Variants in SAMMSON observed in about 807,000 individuals in gnomAD.
SAMMSON encodes the protein long intergenic non-protein coding RNA 1212.
chr3:70,281,953 A>G (rs1317127967), intron 6 of SAMMSON, among the ~76,000 whole-genome samples: 1 of 152,196 alleles, frequency 6.6e-6, no homozygotes, highest in Admixed American at 6.5e-5. Flanking sequence ...CACCCTGTGT[A>G]CTGCACAAGG....
chr3:70,428,083 C>A (rs541392770), intron 2 of SAMMSON, among the ~76,000 whole-genome samples: 1 of 151,724 alleles, frequency 6.6e-6, no homozygotes, highest in African/African-American at 2.4e-5. Context: ...TAAAATACTG[C>A]GGAAAGAAAT....
intron 6 of SAMMSON, chr3:70,291,156 A>G (rs947788654): frequency 6.6e-6 from 1 of 152,262 alleles, no homozygotes; most frequent in Admixed American, 6.5e-5. Flanking sequence ...TATTTTTCAC[A>G]TATTTGCATG....
At chr3:70,058,853 A>C (rs769006985) in intron 3 of SAMMSON, among the ~76,000 whole-genome samples, 1 of 152,112 alleles carries the variant, frequency 6.6e-6, no homozygotes, top group Non-Finnish European at 1.5e-5. Context: ...AGATTAAATA[A>C]TTGACTAAGG....
At chr3:70,372,174 A>G (rs547704349) in intron 9 of SAMMSON, among the ~76,000 whole-genome samples, 59 of 152,232 alleles carry the variant, frequency 3.9e-4, no homozygotes, top group South Asian at 2.7e-3. Flanking sequence ...GAGTTTTTAA[A>G]TCATGAATAG....
At chr3:70,025,845 T>TA (rs1468275742) in intron 3 of SAMMSON, among the ~76,000 whole-genome samples, 12 of 152,140 alleles carry the variant, frequency 7.9e-5, no homozygotes, top group African/African-American at 2.9e-4. Flanking sequence ...AAAATGTTAT[T>TA]AAAAAAATTG....
At chr3:70,379,794 A>C (rs1241218960) in intron 9 of SAMMSON, among the ~76,000 whole-genome samples, 1 of 152,204 alleles carries the variant, frequency 6.6e-6, no homozygotes, top group Non-Finnish European at 1.5e-5. Flanking sequence ...AAGTGCAAAA[A>C]AAAGGAAAGC....
intron 7 of SAMMSON, among the ~76,000 whole-genome samples, chr3:70,351,990 G>T (rs1307592476): frequency 6.6e-6 from 1 of 151,862 alleles, no homozygotes; most frequent in African/African-American, 2.4e-5. Context: ...AAGCCCTGAG[G>T]ATTTTGGGTA....
downstream of SAMMSON, among the ~76,000 whole-genome samples, chr3:70,392,626 G>A (rs1174855674): frequency 6.6e-6 from 1 of 152,128 alleles, no homozygotes; most frequent in Non-Finnish European, 1.5e-5. Flanking sequence ...TAAAATGGGG[G>A]CTCTAGCATC....
At chr3:70,007,586 C>G (rs1385205363) in intron 1 of SAMMSON, among the ~76,000 whole-genome samples, 1 of 151,782 alleles carries the variant, frequency 6.6e-6, no homozygotes, top group Non-Finnish European at 1.5e-5. Context: ...TTCTCCCATT[C>G]TGTAGGTTGC....
At chr3:70,224,069 G>T (rs989509467) in intron 4 of SAMMSON, among the ~76,000 whole-genome samples, 3 of 152,072 alleles carry the variant, frequency 2.0e-5, no homozygotes, top group African/African-American at 7.2e-5. Flanking sequence ...AGTAGATACT[G>T]TAACAAACAC....
chr3:70,275,664 T>C (rs1403083), intron 6 of SAMMSON, among the ~76,000 whole-genome samples: 105,919 of 152,170 alleles, frequency 0.7, 39,012 homozygotes, highest in Non-Finnish European at 0.83. Context: ...CCTCAGCTTC[T>C]TCATCTGTTC....
intron 1 of SAMMSON, among the ~76,000 whole-genome samples, chr3:70,003,571 G>C (rs1229653290): frequency 6.6e-6 from 1 of 151,714 alleles, no homozygotes; most frequent in Non-Finnish European, 1.5e-5. Flanking sequence ...ATGAACATTA[G>C]TGATAGCCAC....
chr3:70,151,999 G>A (rs1167875629), intron 4 of SAMMSON, among the ~76,000 whole-genome samples: 3 of 152,004 alleles, frequency 2.0e-5, no homozygotes, highest in Non-Finnish European at 4.4e-5. Context: ...GCAGATCACA[G>A]CACTAGAAGG....
At chr3:70,184,713 T>C (rs1701079261) in intron 4 of SAMMSON, among the ~76,000 whole-genome samples, 1 of 152,188 alleles carries the variant, frequency 6.6e-6, no homozygotes, top group African/African-American at 2.4e-5. Context: ...TCAGTTCCCA[T>C]TGAATAATTT....
intron 7 of SAMMSON, among the ~76,000 whole-genome samples, chr3:70,316,054 C>T (rs541182992): frequency 6.6e-6 from 1 of 152,064 alleles, no homozygotes; most frequent in Admixed American, 6.6e-5. Flanking sequence ...TAATTCTGTT[C>T]CCTTTATTTT....
intron 1 of SAMMSON, among the ~76,000 whole-genome samples, chr3:70,012,177 C>T (rs1042979742): frequency 3.9e-5 from 6 of 151,990 alleles, no homozygotes; most frequent in African/African-American, 1.5e-4. Context: ...GTCTGTTGGT[C>T]CCTGGGGAAG....
chr3:70,368,705 C>G (rs1327403217), intron 9 of SAMMSON, among the ~76,000 whole-genome samples: 1 of 151,504 alleles, frequency 6.6e-6, no homozygotes, highest in Non-Finnish European at 1.5e-5. Context: ...TCTGGGCTCT[C>G]TGTTATGTTC....
At position 70,293,465 on chromosome 3, in the gene SAMMSON, T is replaced by A. The variant is rs376946246; in HGVS notation, n.739+2222T>A. 5.3e-5 allele frequency among the ~76,000 whole-genome samples: 8 copies of A among 152,238 alleles called. No individual in the cohort carries two copies. The East Asian group carries it at 1.5e-3, about 29-fold the overall frequency. On this transcript the variant is annotated intron_variant and non_coding_transcript_variant, in intron 7 of 9. Transcript: ENST00000642114. Reference sequence around the variant, plus strand: ...ATATGAAAATATCTTTGATTTCTATTAGTGACAAAATCACAGGCGATGCTG... The same window carrying A: ...ATATGAAAATATCTTTGATTTCTATAAGTGACAAAATCACAGGCGATGCTG...
intron 1 of SAMMSON, among the ~76,000 whole-genome samples, chr3:70,008,074 T>C (rs1478577934): frequency 6.6e-6 from 1 of 152,178 alleles, no homozygotes; most frequent in Non-Finnish European, 1.5e-5. Flanking sequence ...TGAAGTCAGG[T>C]AGCATGATGC....
Sources: gnomAD v4.1 joint callset for allele counts (sites outside exome capture counted in the v4.1 genomes callset) on GRCh38, gnomAD v4.1.1 for gene constraint, MANE v1.5 for transcripts, NCBI Gene and HGNC (gene_info 2026-07-23, HGNC 2026-07-21) for gene names.